The following ALK variants were observed in gnomAD, a reference collection of about 807,000 sequenced individuals.
ALK encodes ALK tyrosine kinase receptor.
Under a neutral mutation model 163.1 loss-of-function variants are expected in ALK, and 74 were observed. That is an observed-to-expected ratio of 0.45 (90% CI 0.38 to 0.55). The LOEUF is 0.55. ALK is among the 20% of genes least tolerant of loss of function. The probability of loss-of-function intolerance (pLI) is 0.00; values close to 1 mark genes in which losing one functional copy is unlikely to be tolerated. For synonymous variants in ALK, 960 were observed against 843.2 expected (o/e 1.14, Z -2.40); for missense variants, 2,063 against 2,105.3 (o/e 0.98, Z 0.39).
chr2:29,704,395 T>G (rs1004349754), intron 2 of ALK, among the ~76,000 whole-genome samples: 12 of 152,172 alleles, frequency 7.9e-5, no homozygotes, highest in Non-Finnish European at 1.2e-4. Context: ...AGGGAAAGGC[T>G]GGAGAATGAT....
chr2:29,507,035 G>T (rs1310648383), intron 4 of ALK, among the ~76,000 whole-genome samples: 1 of 152,140 alleles, frequency 6.6e-6, no homozygotes, highest in African/African-American at 2.4e-5. Context: ...ATATATCCAA[G>T]AAAAGGGAAA....
At chr2:29,274,097 AG>A in intron 11 of ALK, among the ~76,000 whole-genome samples, 1 of 152,216 alleles carries the variant, frequency 6.6e-6, no homozygotes, top group Admixed American at 6.5e-5. Context: ...GGCAGGAATC[AG>A]GAAGGGGTGA....
At chr2:29,646,843 T>C (rs1328681033) in intron 3 of ALK, among the ~76,000 whole-genome samples, 3 of 152,198 alleles carry the variant, frequency 2.0e-5, no homozygotes, top group Admixed American at 6.5e-5. Flanking sequence ...TTGTCCTTTA[T>C]AGCACTTATT....
At position 29,828,014 on chromosome 2, in the gene ALK, G is replaced by A. The variant is rs188863974; in HGVS notation, c.667+91979C>T. On this transcript the variant is annotated intron_variant, in intron 1 of 28. Transcript: ENST00000389048. Reference sequence around the variant, plus strand: ...ACAGAGCCCTCAGAAATAATACCACGCATCTACAACTATCTGATCTTTGAC... The same window carrying A: ...ACAGAGCCCTCAGAAATAATACCACACATCTACAACTATCTGATCTTTGAC... Among the ~76,000 whole-genome samples the A allele has an allele frequency of 1.9e-3, 292 of 152,156 alleles. 2 individuals carry two copies. The highest frequency in any genetic ancestry group is 6.8e-3 in the East Asian group (35 of 5,178).
chr2:29,765,935 G>A (rs1233234149), intron 1 of ALK, among the ~76,000 whole-genome samples: 1 of 152,116 alleles, frequency 6.6e-6, no homozygotes, highest in African/African-American at 2.4e-5. Flanking sequence ...CAGATCTTGC[G>A]AGCTTATGTG....
At position 29,596,038 on chromosome 2, in the gene ALK, C is replaced by T. The variant is rs111830117; in HGVS notation, c.953-63922G>A. ...GAGTGTCCACTTAGATCCCAGGAGC[C>T]CAGACCACATGTACATACATCACCT... On this transcript the variant is annotated intron_variant, in intron 3 of 28. Coordinates refer to ENST00000389048, the MANE Select transcript of ALK (RefSeq NM_004304.5). Among the ~76,000 whole-genome samples the T allele has an allele frequency of 5.3e-4, 80 of 152,268 alleles. 2 individuals carry two copies. The highest frequency in any genetic ancestry group is 1.8e-3 in the African/African-American group (76 of 41,552).
chr2:29,304,779 G>A (rs1666459495), intron 8 of ALK, among the ~76,000 whole-genome samples: 1 of 152,158 alleles, frequency 6.6e-6, no homozygotes, highest in Non-Finnish European at 1.5e-5. Context: ...TTTTGTTATA[G>A]ACAAACTTGT....
At chr2:29,903,168 C>T (rs1254987486) in intron 1 of ALK, among the ~76,000 whole-genome samples, 5 of 152,036 alleles carry the variant, frequency 3.3e-5, no homozygotes, top group South Asian at 4.1e-4. Context: ...CCTATAGAAC[C>T]GTACAAAGTC....
At chr2:29,539,832 C>A (rs897297660) in intron 3 of ALK, among the ~76,000 whole-genome samples, 1 of 152,100 alleles carries the variant, frequency 6.6e-6, no homozygotes, top group Non-Finnish European at 1.5e-5. Flanking sequence ...AAAACTTTTT[C>A]TTTTGAGCTA....
At chr2:29,882,415 G>C (rs1666889655) in intron 1 of ALK, among the ~76,000 whole-genome samples, 1 of 152,154 alleles carries the variant, frequency 6.6e-6, no homozygotes, top group African/African-American at 2.4e-5. Flanking sequence ...ATAATACCAG[G>C]CTGGGCGCAG....
At chr2:29,709,757 A>G (rs1679018460) in intron 2 of ALK, among the ~76,000 whole-genome samples, 2 of 152,198 alleles carry the variant, frequency 1.3e-5, no homozygotes, top group Admixed American at 1.3e-4. Flanking sequence ...TATGGTATCC[A>G]AAAGGAAGCT....
intron 4 of ALK, among the ~76,000 whole-genome samples, chr2:29,451,568 G>C (rs1384251709): frequency 6.6e-6 from 1 of 151,996 alleles, no homozygotes; most frequent in Non-Finnish European, 1.5e-5. Flanking sequence ...ACTTCCATTG[G>C]ACATAACTTC....
At position 29,385,401 on chromosome 2, in the gene ALK, T is replaced by C. The variant is rs1669010018; in HGVS notation, c.1155-1542A>G. On this transcript the variant is annotated intron_variant, in intron 4 of 28. Transcript: ENST00000389048. Reference sequence around the variant, plus strand: ...CAGGTTGTTTTTTTTTTTTTTTTTCTGTCTTGAGACAGGGTCTTGCTGTAT... The same window carrying C: ...CAGGTTGTTTTTTTTTTTTTTTTTCCGTCTTGAGACAGGGTCTTGCTGTAT... 2.1e-5 allele frequency among the ~76,000 whole-genome samples: 3 copies of C among 140,262 alleles called. No homozygotes were observed. The Admixed American group carries it at 2.2e-4, about 10-fold the overall frequency. The allele number at this position is 140,262 out of a possible 152,430, so 92.0% of individuals were successfully genotyped here.
rs1195312149 is a variant in ALK at position 29,296,771 on chromosome 2, G to A, written c.1817+117C>T. On this transcript the variant is annotated intron_variant, in intron 9 of 28. Coordinates refer to ENST00000389048, the MANE Select transcript of ALK (RefSeq NM_004304.5). Reference sequence around the variant, plus strand: ...TGCGTGCACGCGCACATATCGGTGTGTGGGCACATCTGCATGTGTGTCTTG... The same window carrying A: ...TGCGTGCACGCGCACATATCGGTGTATGGGCACATCTGCATGTGTGTCTTG... 3 of 1,233,290 alleles carry A rather than the reference G, an allele frequency of 2.4e-6. No homozygotes were observed. In the African/African-American group the frequency reaches 4.4e-5, roughly 18 times the overall value. 76.4% of individuals were successfully genotyped at this position (1,233,290 alleles called of 1,614,324 possible). A position where few individuals can be genotyped will look rare whatever the true frequency, so the allele number is the denominator to read the frequency against.
chr2:29,736,407 G>A (rs1679893180), intron 1 of ALK, among the ~76,000 whole-genome samples: 1 of 151,452 alleles, frequency 6.6e-6, no homozygotes, highest in African/African-American at 2.4e-5. Flanking sequence ...AATCCAGGGT[G>A]GAAATAAAGT....
chr2:29,763,654 GTC>G (rs1191359203), intron 1 of ALK, among the ~76,000 whole-genome samples: 1 of 152,182 alleles, frequency 6.6e-6, no homozygotes, highest in African/African-American at 2.4e-5. Context: ...TGCCTGGCAG[GTC>G]ACAGGCTATA....
At chr2:29,833,775 A>G (rs1665484751) in intron 1 of ALK, among the ~76,000 whole-genome samples, 1 of 152,208 alleles carries the variant, frequency 6.6e-6, no homozygotes, top group Admixed American at 6.5e-5. Flanking sequence ...TCTACCCTGT[A>G]TCTCCTTGAA....
At chr2:29,558,988 T>G (rs532482643) in intron 3 of ALK, among the ~76,000 whole-genome samples, 12 of 152,258 alleles carry the variant, frequency 7.9e-5, no homozygotes, top group African/African-American at 2.4e-4. Flanking sequence ...CCATATACAC[T>G]CCTATAAACA....
chr2:29,570,903 C>G (rs928272560), intron 3 of ALK, among the ~76,000 whole-genome samples: 2 of 152,008 alleles, frequency 1.3e-5, no homozygotes, highest in African/African-American at 4.8e-5. Context: ...AAACTAGAAG[C>G]AGGAAACACA....
Sources: allele counts gnomAD v4.1 joint callset (sites outside exome capture counted in the v4.1 genomes callset), GRCh38; gene constraint gnomAD v4.1.1; transcripts MANE v1.5; gene names NCBI Gene and HGNC (gene_info 2026-07-23, HGNC 2026-07-21).